CENPI: variants seen among roughly 807,000 people sequenced by gnomAD.
CENPI encodes the protein FSH primary response 1.
A neutral mutation model predicts 60.4 loss-of-function variants in CENPI; 4 were observed. The observed-to-expected ratio is 0.07, with a 90% CI of 0.03 to 0.15. The LOEUF (loss-of-function observed/expected upper bound fraction) is 0.15. Among genes scored for constraint, CENPI ranks in the 10% least tolerant of loss-of-function variants. The pLI is 1.00. For synonymous variants in CENPI, 157 were observed against 189.4 expected, an observed-to-expected ratio of 0.83 and a Z score of 1.40; for missense variants, 444 against 534.5, an observed-to-expected ratio of 0.83 and a Z score of 1.67.
rs1185577817 is a variant in CENPI, at chrX:101,164,535, T to G, written c.*1568T>G. Among the ~76,000 whole-genome samples the G allele has an allele frequency of 9.0e-6, 1 of 111,439 alleles. No individual in the cohort carries two copies. Among genetic ancestry groups the G allele is most frequent in the East Asian group, 2.8e-4 (1 of 3,549 alleles). ...TTAGTAGAGACAGGGTTCCGTCATG[T>G]TGACCAGGCTGGACTTGAACTCTTG... On this transcript the variant is annotated 3_prime_UTR_variant, in exon 22 of 22. Transcript: ENST00000682095.
At chrX:101,158,263 G>C (rs1280424899) in intron 20 of CENPI, among the ~76,000 whole-genome samples, 1 of 104,412 alleles carries the variant, frequency 9.6e-6, no homozygotes, top group Non-Finnish European at 1.9e-5. Flanking sequence ...ATTGCTTTGG[G>C]CAGTATGGCT....
At chrX:101,157,875 G>T (rs2148258206) in intron 20 of CENPI, among the ~76,000 whole-genome samples, 1 of 110,180 alleles carries the variant, frequency 9.1e-6, no homozygotes, top group African/African-American at 3.3e-5. Context: ...TCACACTACT[G>T]TGATATTAAA....
intron 17 of CENPI, 119 bp from the exon 18 acceptor site, chrX:101,146,034 G>T: frequency 1.8e-6 from 1 of 554,947 alleles, no homozygotes; most frequent in Non-Finnish European, 2.7e-6. Context: ...TAGGAGTCAG[G>T]CATGTCCAAA....
At chrX:101,134,398 T>C (rs1326386569) in intron 15 of CENPI, among the ~76,000 whole-genome samples, 4 of 111,252 alleles carry the variant, frequency 3.6e-5, no homozygotes, top group African/African-American at 6.5e-5. Context: ...ATTTAGAGAA[T>C]AGAATTAAGT....
At chrX:101,142,792 A>G (rs16983749) in intron 16 of CENPI, among the ~76,000 whole-genome samples, 1,236 of 111,653 alleles carry the variant, frequency 0.011, 15 homozygotes, top group African/African-American at 0.038. Flanking sequence ...ACCAAAAATC[A>G]TAGTTAAGAT....
the CENPI span, among the ~76,000 whole-genome samples, chrX:101,172,354 G>A: frequency 9.0e-6 from 1 of 111,493 alleles, no homozygotes; most frequent in African/African-American, 3.3e-5. Context: ...AACACAGATT[G>A]TTCATAGCAG....
intron 11 of CENPI, 59 bp from the exon 12 acceptor site, chrX:101,128,657 C>T (rs1243758355): frequency 7.8e-6 from 9 of 1,153,244 alleles, no homozygotes; most frequent in African/African-American, 7.1e-5. Flanking sequence ...TTCTATATGA[C>T]GATTCCCTTA....
intron 20 of CENPI, among the ~76,000 whole-genome samples, chrX:101,159,246 C>G (rs1191249708): frequency 9.1e-6 from 1 of 110,071 alleles, no homozygotes; most frequent in Non-Finnish European, 1.9e-5. Context: ...ACTGCAAGCT[C>G]CGCCTCCCAG....
the CENPI span, among the ~76,000 whole-genome samples, chrX:101,180,877 C>A: frequency 9.0e-6 from 1 of 111,598 alleles, no homozygotes; most frequent in African/African-American, 3.3e-5. Context: ...AGCAATCCTC[C>A]CACTGCATCC....
chrX:101,175,146 A>T, the CENPI span, among the ~76,000 whole-genome samples: 7 of 112,423 alleles, frequency 6.2e-5, no homozygotes, highest in East Asian at 1.7e-3. Flanking sequence ...ATATTTTTTT[A>T]AATGTATTAA....
At chrX:101,136,612 T>C (rs764203280) in intron 15 of CENPI, among the ~76,000 whole-genome samples, 1 of 112,227 alleles carries the variant, frequency 8.9e-6, no homozygotes, top group South Asian at 3.7e-4. Flanking sequence ...TGCGTTTTGT[T>C]TGGGCCTGGT....
Position 101,163,025 on chromosome X carries a change from A to G in CENPI, c.*58A>G. ...TAAACTCACTCCTCATTGCTAGAGC[A>G]AAGTGGCTCATCTTGAGTTCCCATT... On this transcript the variant is annotated 3_prime_UTR_variant, in exon 22 of 22. Transcript: ENST00000682095. 8.9e-7 allele frequency: 1 copy of G among 1,127,699 alleles called. No individual in the cohort carries two copies. The highest frequency in any genetic ancestry group is 1.2e-6 in the Non-Finnish European group (1 of 831,435). 92.9% of individuals were successfully genotyped at this position (1,127,699 alleles called of 1,213,427 possible).
intron 6 of CENPI, among the ~76,000 whole-genome samples, chrX:101,115,194 C>T (rs1054759820): frequency 1.8e-5 from 2 of 110,518 alleles, no homozygotes; most frequent in Non-Finnish European, 3.8e-5. Context: ...AAATCTCTGA[C>T]CTCAGGTAAT....
chrX:101,140,800 T>A (rs769702259), intron 16 of CENPI, 40 bp downstream of exon 16: 1 of 946,451 alleles, frequency 1.1e-6, no homozygotes, highest in South Asian at 2.0e-5. Context: ...ACGATCTGTA[T>A]ACAAATGTTT....
the CENPI span, among the ~76,000 whole-genome samples, chrX:101,176,109 A>G: frequency 8.9e-6 from 1 of 111,899 alleles, no homozygotes; most frequent in African/African-American, 3.2e-5. Context: ...CGTTGCTTCA[A>G]ATGACAGGAT....
In CENPI at chrX:101,165,096, A is replaced by G. The variant is rs911590346; in HGVS notation, c.*2129A>G. ...ACAAAGAGGCCAGTAAGGTTACAGC[A>G]TAGTGATTAAGAGAGAAGAATGGTA... On this transcript the variant is annotated 3_prime_UTR_variant, in exon 22 of 22. Transcript: ENST00000682095. Among the ~76,000 whole-genome samples the G allele has an allele frequency of 4.4e-5, 5 of 112,435 alleles. No individual in the cohort carries two copies. Among genetic ancestry groups the G allele is most frequent in the African/African-American group, 1.6e-4 (5 of 30,950 alleles).
At chrX:101,107,800 C>T (rs866028491) in intron 4 of CENPI, among the ~76,000 whole-genome samples, 5 of 107,972 alleles carry the variant, frequency 4.6e-5, no homozygotes, top group Middle Eastern at 9.7e-3. Context: ...TCCCGAGTGG[C>T]TGGGATTACA....
intron 20 of CENPI, among the ~76,000 whole-genome samples, chrX:101,160,434 G>A (rs1347699965): frequency 2.0e-4 from 20 of 101,194 alleles, no homozygotes; most frequent in Non-Finnish European, 4.0e-4. Flanking sequence ...AGGCTGGAGT[G>A]CAGTGGCACT....
chrX:101,141,744 C>T (rs182316352), intron 16 of CENPI, among the ~76,000 whole-genome samples: 1,311 of 110,965 alleles, frequency 0.012, 7 homozygotes, highest in Middle Eastern at 0.083. Context: ...CCTGCCCCCC[C>T]CTTTTTTATT....
Sources: gnomAD v4.1 joint callset for allele counts (sites outside exome capture counted in the v4.1 genomes callset) on GRCh38, gnomAD v4.1.1 for gene constraint, MANE v1.5 for transcripts, NCBI Gene and HGNC (gene_info 2026-07-23, HGNC 2026-07-21) for gene names.